FILIP1L: variants seen among roughly 807,000 people sequenced by gnomAD.
The protein encoded by FILIP1L is filamin A interacting protein 1 like.
A neutral mutation model predicts 96.6 loss-of-function variants in FILIP1L; 55 were observed. The ratio of observed to expected loss-of-function variants is 0.57; its 90% CI spans 0.46 to 0.71. The LOEUF (loss-of-function observed/expected upper bound fraction) is 0.71. Ranked by LOEUF, FILIP1L falls within the 30% of genes least tolerant of loss-of-function variation. FILIP1L has a pLI of 0.00. For synonymous variants in FILIP1L, 467 were observed against 473.9 expected, an observed-to-expected ratio of 0.99 and a Z score of 0.19; for missense variants, 1,304 against 1,321.2, an observed-to-expected ratio of 0.99 and a Z score of 0.20.
chr3:99,851,626 CTG>C lies in FILIP1L; in HGVS notation c.606-558_606-557del, dbSNP rs575070022. Among the ~76,000 whole-genome samples, 597 of 152,282 alleles carry C rather than the reference CTG, an allele frequency of 3.9e-3. 1 individual carries two copies. The highest frequency in any genetic ancestry group is 7.1e-3 in the Non-Finnish European group (482 of 68,024). On this transcript the variant is annotated intron_variant, in intron 4 of 5. Coordinates refer to ENST00000477258, the MANE Select transcript of FILIP1L (RefSeq NM_001387850.1). ...AAGCATTTGGTATTAGTTGTTGCTG[CTG>C]TCTTTATTAATATGGTTATTATATT...
At position 100,098,462 on chromosome 3, in the gene FILIP1L, G is replaced by A. The variant is rs1405697876; in HGVS notation, c.-11+15591C>T. Reference sequence around the variant, plus strand: ...GATTCTTGAAATTAAATAAGTTAGTGTATTAAAGTATTCAGCATGGTACCA... The same window carrying A: ...GATTCTTGAAATTAAATAAGTTAGTATATTAAAGTATTCAGCATGGTACCA... On this transcript the variant is annotated intron_variant, in intron 1 of 5. Coordinates refer to ENST00000477258, the MANE Select transcript of FILIP1L (RefSeq NM_001387850.1). Among the ~76,000 whole-genome samples the A allele has an allele frequency of 2.0e-5, 3 of 152,268 alleles. No homozygotes were observed. The South Asian group carries it at 6.2e-4, about 32-fold the overall frequency.
intron 1 of FILIP1L, among the ~76,000 whole-genome samples, chr3:100,034,551 G>A (rs967685889): frequency 5.3e-5 from 8 of 152,140 alleles, no homozygotes; most frequent in Non-Finnish European, 1.2e-4. Flanking sequence ...ATTATTTGGG[G>A]CCTCAAATCC....
At chr3:100,068,779 C>G (rs980144884) in intron 1 of FILIP1L, among the ~76,000 whole-genome samples, 14 of 152,168 alleles carry the variant, frequency 9.2e-5, no homozygotes, top group Non-Finnish European at 2.9e-5. Flanking sequence ...AGGCGCCCAC[C>G]ACCATGCCCA....
chr3:99,848,768 C>G lies in FILIP1L; in HGVS notation c.2908G>C (p.Glu970Gln), dbSNP rs1211783019. ...ATGGTAATTGGGGACATGCCTTGTT[C>G]TAAATTCATGAGGTCTTCGGTAGAG... ...KTSTEDLMNL[E>Q]QGMSPITMAT... Residue 970 changes from glutamate to glutamine, a missense_variant, in exon 5 of 6, where the codon GAA becomes CAA. Physicochemically the swap from Glu to Gln is conservative, Grantham distance 29. Coordinates refer to ENST00000477258, the MANE Select transcript of FILIP1L (RefSeq NM_001387850.1). 6.2e-7 allele frequency: 1 copy of G among 1,614,138 alleles called. No individual in the cohort carries two copies. The highest frequency in any genetic ancestry group is 8.5e-7 in the Non-Finnish European group (1 of 1,180,016).
intron 4 of FILIP1L, among the ~76,000 whole-genome samples, chr3:99,875,093 A>C (rs1336787416): frequency 6.6e-6 from 1 of 152,238 alleles, no homozygotes; most frequent in Non-Finnish European, 1.5e-5. Flanking sequence ...AGACCAGATA[A>C]GGATTGAATG....
At chr3:99,897,691 A>G (rs940354596) in intron 4 of FILIP1L, among the ~76,000 whole-genome samples, 1 of 152,180 alleles carries the variant, frequency 6.6e-6, no homozygotes, top group African/African-American at 2.4e-5. Flanking sequence ...GGAAGCAATG[A>G]GGTTCTGAGC....
chr3:99,936,716 A>G lies in FILIP1L; in HGVS notation c.-10-5686T>C, dbSNP rs541443562. Among the ~76,000 whole-genome samples the G allele has an allele frequency of 4.0e-5, 6 of 150,904 alleles. No individual in the cohort carries two copies. In the South Asian group the frequency reaches 1.3e-3, roughly 32 times the overall value. On this transcript the variant is annotated intron_variant, in intron 1 of 5. Coordinates refer to ENST00000477258, the MANE Select transcript of FILIP1L (RefSeq NM_001387850.1). The stretch of plus-strand genomic sequence containing the variant: ...ATCACTTGCCAAAGGTCACACTGCT[A>G]AAAAGTGGCAGAGTCAGAGTCAGGC...
chr3:99,868,943 C>T (rs1576531795), intron 4 of FILIP1L, among the ~76,000 whole-genome samples: 1 of 152,264 alleles, frequency 6.6e-6, no homozygotes, highest in East Asian at 1.9e-4. Flanking sequence ...GTTAAGCCAA[C>T]TGTAAGCTCC....
At chr3:99,913,690 G>A (rs1242925620) in intron 4 of FILIP1L, among the ~76,000 whole-genome samples, 1 of 152,166 alleles carries the variant, frequency 6.6e-6, no homozygotes, top group Non-Finnish European at 1.5e-5. Context: ...ACTATTCATG[G>A]TGGATTATCT....
chr3:99,917,508 T>C (rs146935534), intron 4 of FILIP1L, among the ~76,000 whole-genome samples: 301 of 152,346 alleles, frequency 2.0e-3, no homozygotes, highest in African/African-American at 6.8e-3. Flanking sequence ...TTGGTGACTT[T>C]TTTTTATCTT....
chr3:99,927,925 G>A (rs1274060064), intron 3 of FILIP1L, among the ~76,000 whole-genome samples: 4 of 152,184 alleles, frequency 2.6e-5, no homozygotes, highest in South Asian at 2.1e-4. Flanking sequence ...TCATGTAACC[G>A]AGAGCTGTTT....
At chr3:99,958,037 A>G (rs1708383970) in intron 1 of FILIP1L, among the ~76,000 whole-genome samples, 1 of 149,408 alleles carries the variant, frequency 6.7e-6, no homozygotes, top group South Asian at 2.1e-4. Context: ...ATAAAGGCTC[A>G]ATGGGCTCAG....
intron 1 of FILIP1L, among the ~76,000 whole-genome samples, chr3:100,070,480 T>C (rs533085879): frequency 6.6e-6 from 1 of 152,370 alleles, no homozygotes; most frequent in East Asian, 1.9e-4. Flanking sequence ...AGTTTAGTTT[T>C]CAACTTAAAT....
At chr3:99,995,728 T>C (rs1709658855) in intron 1 of FILIP1L, among the ~76,000 whole-genome samples, 1 of 152,202 alleles carries the variant, frequency 6.6e-6, no homozygotes, top group South Asian at 2.1e-4. Flanking sequence ...ACTCACAGGT[T>C]CAACACCACG....
chr3:99,848,712 C>A lies in FILIP1L; in HGVS notation c.2964G>T (p.Glu988Asp), dbSNP rs1201622518. ...TTTCTGGAGTTAGAGAACCACAAGA[C>A]TCTGGGGTCTGTGCTCTGGCAAAGG... ...MATFARAQTP[E>D]SCGSLTPERT... The change falls in exon 5 of 6, where the codon GAG (glutamate) becomes GAT (aspartate). Residue 988 changes from glutamate to aspartate, a missense_variant. Physicochemically the swap from Glu to Asp is conservative, Grantham distance 45. Transcript: ENST00000477258. The A allele has an allele frequency of 2.5e-6, 4 of 1,614,140 alleles. No individual in the cohort carries two copies. Among genetic ancestry groups the A allele is most frequent in the Non-Finnish European group, 3.4e-6 (4 of 1,180,022 alleles).
At chr3:99,887,643 T>TTAGAAAA (rs796741816) in intron 4 of FILIP1L, among the ~76,000 whole-genome samples, 144 of 152,356 alleles carry the variant, frequency 9.5e-4, no homozygotes, top group African/African-American at 3.3e-3. Context: ...CATGGCATTG[T>TTAGAAAA]TAGAAAATTC....
intron 1 of FILIP1L, among the ~76,000 whole-genome samples, chr3:99,989,767 G>A (rs1159579241): frequency 6.6e-6 from 1 of 150,802 alleles, no homozygotes; most frequent in South Asian, 2.1e-4. Flanking sequence ...TTATCAACAT[G>A]TTAATATTAA....
intron 4 of FILIP1L, among the ~76,000 whole-genome samples, chr3:99,865,821 GT>G (rs1338393113): frequency 3.3e-5 from 5 of 151,690 alleles, no homozygotes; most frequent in Non-Finnish European, 7.4e-5. Flanking sequence ...ATATTTATAT[GT>G]TTTTTTATTG....
At chr3:100,064,092 G>A (rs746468687) in intron 1 of FILIP1L, among the ~76,000 whole-genome samples, 2 of 152,106 alleles carry the variant, frequency 1.3e-5, no homozygotes, top group African/African-American at 2.4e-5. Flanking sequence ...TGTTGCTTCT[G>A]GTTTCAGAGA....
Sources: gnomAD v4.1 joint callset for allele counts (sites outside exome capture counted in the v4.1 genomes callset) on GRCh38, gnomAD v4.1.1 for gene constraint, MANE v1.5 for transcripts, NCBI Gene and HGNC (gene_info 2026-07-23, HGNC 2026-07-21) for gene names.